Variants in SORCS2 observed in about 807,000 individuals in gnomAD.
The protein encoded by SORCS2 is sortilin related VPS10 domain containing receptor 2, also known as VPS10 domain-containing receptor SorCS2.
Under a neutral mutation model 141.6 loss-of-function variants are expected in SORCS2, and 100 were observed. The observed-to-expected ratio is 0.71, with a 90% confidence interval of 0.60 to 0.83. The LOEUF is 0.83. Ranked by LOEUF, SORCS2 falls within the 40% of genes least tolerant of loss-of-function variation. SORCS2 has a pLI of 0.00. For missense variants in SORCS2, 1,646 were observed against 1,560.2 expected (o/e 1.05, Z -0.93); for synonymous variants, 789 against 676.9 (o/e 1.17, Z -2.57).
In SORCS2 at chr4:7,704,224, GCAC is replaced by G. The variant is rs1403121888; in HGVS notation, c.1810_1812del (p.Thr604del). 6.2e-7 allele frequency: 1 copy of G among 1,613,220 alleles called. No homozygotes were observed. Among genetic ancestry groups the G allele is most frequent in the Admixed American group, 1.7e-5 (1 of 59,950 alleles). ...ACCTGGAGCACGCACAACTTCACCA[GCAC>G]CTCGGTGTTTGTGGACGGGCTGCTG... On this transcript the variant is annotated inframe_deletion, in exon 14 of 27. Coordinates refer to ENST00000507866, the MANE Select transcript of SORCS2 (RefSeq NM_020777.3).
chr4:7,718,012 G>A lies in SORCS2; in HGVS notation c.2253G>A (p.Gly751=). 6.2e-7 allele frequency: 1 copy of A among 1,601,108 alleles called. No individual in the cohort carries two copies. The highest frequency in any genetic ancestry group is 8.5e-7 in the Non-Finnish European group (1 of 1,173,214). The change falls in exon 18 of 27, where the codon GGG becomes GGA. Residue 751 remains glycine, a splice_region_variant and synonymous_variant. Coordinates refer to ENST00000507866, the MANE Select transcript of SORCS2 (RefSeq NM_020777.3). The part of the protein sequence containing the change: ...ALGQTYTSSL[G]YRKVVSNVCE... Reference sequence around the variant, plus strand: ...CCCTGACCCTCTCTTGTCAATCCAGGTACCGGAAAGTGGTGTCCAACGTGT... The same window carrying A: ...CCCTGACCCTCTCTTGTCAATCCAGATACCGGAAAGTGGTGTCCAACGTGT...
At chr4:7,697,094 G>A in intron 11 of SORCS2, 104 bp from the exon 12 acceptor site, 2 of 930,948 alleles carry the variant, frequency 2.1e-6, no homozygotes, top group Non-Finnish European at 3.3e-6. Flanking sequence ...TGGAGACCCG[G>A]GGCACTGGCC....
At chr4:7,388,075 TAC>T (rs56113759) in intron 1 of SORCS2, among the ~76,000 whole-genome samples, 56,864 of 149,976 alleles carry the variant, frequency 0.38, 10,956 homozygotes, top group East Asian at 0.57. Flanking sequence ...TACACAGAGA[TAC>T]ACACACACAT....
At chr4:7,729,532 T>A in intron 22 of SORCS2, 55 bp from the exon 23 acceptor site, 1 of 1,542,146 alleles carries the variant, frequency 6.5e-7, no homozygotes, top group Non-Finnish European at 8.8e-7. Context: ...GGCCCCAGTA[T>A]GAGGCAGGGA....
chr4:7,496,987 A>G (rs6813094), intron 2 of SORCS2, among the ~76,000 whole-genome samples: 134,989 of 152,264 alleles, frequency 0.89, 61,523 homozygotes, highest in South Asian at 0.99. Context: ...GGATGAAGCT[A>G]GGGTGGGTGC....
chr4:7,584,320 A>T (rs1716385792), intron 3 of SORCS2, among the ~76,000 whole-genome samples: 1 of 152,218 alleles, frequency 6.6e-6, no homozygotes, highest in East Asian at 1.9e-4. Flanking sequence ...CCAGAGGCCC[A>T]GTTTCTTGAC....
At chr4:7,345,039 G>C (rs1577425493) in intron 1 of SORCS2, among the ~76,000 whole-genome samples, 1 of 152,128 alleles carries the variant, frequency 6.6e-6, no homozygotes, top group East Asian at 1.9e-4. Context: ...TGGCTGGAAG[G>C]GTAGGCTGTT....
At chr4:7,617,467 G>A (rs1461753530) in intron 3 of SORCS2, among the ~76,000 whole-genome samples, 1 of 152,142 alleles carries the variant, frequency 6.6e-6, no homozygotes, top group Non-Finnish European at 1.5e-5. Context: ...GCAGGGGTGT[G>A]GGGTGTGCAT....
intron 1 of SORCS2, among the ~76,000 whole-genome samples, chr4:7,311,494 T>A (rs528138165): frequency 6.6e-6 from 1 of 152,240 alleles, no homozygotes. Context: ...ACTGCCAGAC[T>A]TACCCTTTTA....
At chr4:7,228,541 C>T (rs767783084) in intron 1 of SORCS2, among the ~76,000 whole-genome samples, 3 of 152,152 alleles carry the variant, frequency 2.0e-5, no homozygotes, top group Non-Finnish European at 4.4e-5. Flanking sequence ...AGGTGATCGT[C>T]CTGCCTACAC....
At chr4:7,308,550 T>C (rs1286733462) in intron 1 of SORCS2, among the ~76,000 whole-genome samples, 1 of 152,118 alleles carries the variant, frequency 6.6e-6, no homozygotes, top group Non-Finnish European at 1.5e-5. Context: ...TGAGCACTGG[T>C]GGGTTTGGTA....
At chr4:7,342,084 G>A (rs554082852) in intron 1 of SORCS2, among the ~76,000 whole-genome samples, 78 of 152,298 alleles carry the variant, frequency 5.1e-4, no homozygotes, top group Non-Finnish European at 8.5e-4. Flanking sequence ...ACCACATTTT[G>A]TGTATTCCTT....
chr4:7,391,001 T>G (rs1723824439), intron 1 of SORCS2, among the ~76,000 whole-genome samples: 1 of 152,172 alleles, frequency 6.6e-6, no homozygotes, highest in Admixed American at 6.5e-5. Flanking sequence ...GGCGTCTATG[T>G]TCTGATTTCT....
rs913181394 is a variant in SORCS2 at position 7,684,639 on chromosome 4, G to A, written c.1488+1750G>A. Reference sequence around the variant, plus strand: ...AGCTTCCTCATGTGTAAAATAGAAAGAACAAAAGTACCCGTTTGACAGGTT... The same window carrying A: ...AGCTTCCTCATGTGTAAAATAGAAAAAACAAAAGTACCCGTTTGACAGGTT... On this transcript the variant is annotated intron_variant, in intron 10 of 26. Transcript: ENST00000507866. Among the ~76,000 whole-genome samples, 23 of 152,174 alleles carry A rather than the reference G, an allele frequency of 1.5e-4. 1 individual carries two copies. The highest frequency in any genetic ancestry group is 1.0e-3 in the Admixed American group (16 of 15,276).
intron 1 of SORCS2, among the ~76,000 whole-genome samples, chr4:7,373,478 A>ATATATATAAT (rs1470691140): frequency 8.1e-5 from 3 of 36,824 alleles, no homozygotes; most frequent in African/African-American, 4.8e-4. Flanking sequence ...ATATATATAT[A>ATATATATAAT]TTTTTTTTTT....
At chr4:7,397,567 A>G (rs552336795) in intron 2 of SORCS2, among the ~76,000 whole-genome samples, 4 of 152,016 alleles carry the variant, frequency 2.6e-5, no homozygotes, top group African/African-American at 9.6e-5. Flanking sequence ...TAGAGGACAG[A>G]TGTTCCCTGC....
chr4:7,695,272 GTGGA>G (rs1196852853), intron 11 of SORCS2, among the ~76,000 whole-genome samples: 1 of 121,632 alleles, frequency 8.2e-6, no homozygotes, highest in Non-Finnish European at 1.7e-5. Context: ...GGATGGGTGG[GTGGA>G]TGGATGGATG....
chr4:7,285,157 C>T (rs757584585), intron 1 of SORCS2, among the ~76,000 whole-genome samples: 81 of 152,002 alleles, frequency 5.3e-4, no homozygotes, highest in Non-Finnish European at 1.0e-3. Context: ...CTCAGCCTCC[C>T]GAGGAGCTGG....
chr4:7,270,171 G>A (rs113915527), intron 1 of SORCS2, among the ~76,000 whole-genome samples: 5 of 152,374 alleles, frequency 3.3e-5, no homozygotes, highest in African/African-American at 7.2e-5. Context: ...ATGAGCCACC[G>A]TGCCCATGAT....
Sources: gnomAD v4.1 joint callset for allele counts (sites outside exome capture counted in the v4.1 genomes callset) on GRCh38, gnomAD v4.1.1 for gene constraint, MANE v1.5 for transcripts, NCBI Gene and HGNC (gene_info 2026-07-23, HGNC 2026-07-21) for gene names.